Variants in CAPN9 observed in about 807,000 individuals in gnomAD.
The protein encoded by CAPN9 is calpain-9.
A neutral mutation model predicts 92.8 loss-of-function variants in CAPN9; 81 were observed. The ratio of observed to expected loss-of-function variants is 0.87; its 90% CI spans 0.73 to 1.05. CAPN9 has a LOEUF of 1.05. Ranked by LOEUF, CAPN9 falls within the 50% of genes least tolerant of loss-of-function variation. The pLI is 0.00. For missense variants in CAPN9, 848 were observed against 866.2 expected (o/e 0.98, Z 0.26); for synonymous variants, 304 against 328.0 (o/e 0.93, Z 0.79).
intron 19 of CAPN9, 150 bp from the exon 20 acceptor site, chr1:230,801,420 T>A (rs1380239300): frequency 1.3e-6 from 1 of 776,382 alleles, no homozygotes; most frequent in Admixed American, 1.8e-5. Flanking sequence ...TTTAAATGGT[T>A]TCCTGCTGAG....
intron 11 of CAPN9, among the ~76,000 whole-genome samples, chr1:230,782,512 A>G (rs1276853367): frequency 6.6e-6 from 1 of 152,188 alleles, no homozygotes; most frequent in Non-Finnish European, 1.5e-5. Context: ...GCATCATCAA[A>G]AGCTGAAGCC....
chr1:230,781,839 C>T (rs1222239296), intron 11 of CAPN9, among the ~76,000 whole-genome samples: 1 of 152,194 alleles, frequency 6.6e-6, no homozygotes, highest in Non-Finnish European at 1.5e-5. Flanking sequence ...TGAAAAGACT[C>T]TCAATTATGA....
chr1:230,797,285 G>A lies in CAPN9; in HGVS notation c.1988-877G>A, dbSNP rs186542565. On this transcript the variant is annotated intron_variant, in intron 18 of 19. Transcript: ENST00000271971. The stretch of plus-strand genomic sequence containing the variant: ...CATTTTCCCCCTAAATAATTTAATA[G>A]CAGATCTCAGAAACTCTGTCCATTC... Among the ~76,000 whole-genome samples, 34 of 152,292 alleles carry A rather than the reference G, an allele frequency of 2.2e-4. No individual in the cohort carries two copies. In the East Asian group the frequency reaches 6.0e-3, roughly 27 times the overall value.
At chr1:230,749,244 T>C (rs2102819696) in intron 1 of CAPN9, among the ~76,000 whole-genome samples, 1 of 152,336 alleles carries the variant, frequency 6.6e-6, no homozygotes, top group East Asian at 1.9e-4. Context: ...ATATGGCCAA[T>C]TGCAGTGTGA....
intron 1 of CAPN9, among the ~76,000 whole-genome samples, chr1:230,754,639 CAAAA>C (rs58791351): frequency 5.2e-4 from 65 of 124,536 alleles, no homozygotes; most frequent in African/African-American, 9.7e-4. Context: ...CCCATCTCCA[CAAAA>C]AAAAAAAAAA....
At chr1:230,769,147 G>A (rs778382073) in intron 5 of CAPN9, 33 bp from the exon 6 acceptor site, 30 of 1,567,468 alleles carry the variant, frequency 1.9e-5, no homozygotes, top group South Asian at 3.3e-5. Flanking sequence ...TGACTTAGAC[G>A]GTGGGTGTGA....
At chr1:230,770,242 G>T (rs1398779855) in intron 6 of CAPN9, among the ~76,000 whole-genome samples, 2 of 152,178 alleles carry the variant, frequency 1.3e-5, no homozygotes, top group Non-Finnish European at 1.5e-5. Flanking sequence ...TAGCCACCAG[G>T]AACACCAATG....
At chr1:230,784,582 A>G (rs1021963855) in intron 11 of CAPN9, among the ~76,000 whole-genome samples, 5 of 151,816 alleles carry the variant, frequency 3.3e-5, no homozygotes, top group Admixed American at 2.0e-4. Flanking sequence ...AGTGCAAGCC[A>G]TAAGCCTTGA....
chr1:230,791,937 C>T lies in CAPN9; in HGVS notation c.1722+9C>T, dbSNP rs1465520262. 1 of 1,603,320 alleles carries T rather than the reference C, an allele frequency of 6.2e-7. No individual in the cohort carries two copies. The highest frequency in any genetic ancestry group is 8.5e-7 in the Non-Finnish European group (1 of 1,170,284). ...TCATTTCCCTGATGGACGTATCCTT[C>T]CAAATATTTGAGCAGAAATAGACAT... On this transcript the variant is annotated intron_variant, in intron 15 of 19. Coordinates refer to ENST00000271971, the MANE Select transcript of CAPN9 (RefSeq NM_006615.3).
In CAPN9 at chr1:230,774,563, G is replaced by T; in HGVS notation, c.885G>T (p.Glu295Asp). 6.2e-7 allele frequency: 1 copy of T among 1,613,302 alleles called. No homozygotes were observed. The highest frequency in any genetic ancestry group is 8.5e-7 in the Non-Finnish European group (1 of 1,179,332). The change falls in exon 8 of 20, where the codon GAG (glutamate) becomes GAT (aspartate). Residue 295 changes from glutamate to aspartate, a missense_variant. By Grantham distance (45) the Glu-to-Asp change is conservative. Transcript: ENST00000271971. ...WNGSWSDSSP[E>D]WRSVGPAEQK... ...TTTTGTTTACTCCTAGTTCTCCGGAGTGGCGTTCTGTTGGTCCAGCTGAGC... is the reference window on the plus strand; with the variant it reads ...TTTTGTTTACTCCTAGTTCTCCGGATTGGCGTTCTGTTGGTCCAGCTGAGC...
chr1:230,777,886 C>T (rs1666929342), intron 8 of CAPN9, among the ~76,000 whole-genome samples: 1 of 152,110 alleles, frequency 6.6e-6, no homozygotes, highest in Non-Finnish European at 1.5e-5. Context: ...TGTCCCAGGA[C>T]CCCATCCATG....
chr1:230,757,047 A>G (rs1665275596), intron 2 of CAPN9, among the ~76,000 whole-genome samples: 2 of 133,418 alleles, frequency 1.5e-5, no homozygotes, highest in Non-Finnish European at 1.6e-5. Context: ...GAAGGAAGGA[A>G]GGAAGGAAGG....
chr1:230,793,335 C>A (rs1052471274), intron 17 of CAPN9, among the ~76,000 whole-genome samples: 8 of 152,212 alleles, frequency 5.3e-5, no homozygotes, highest in Non-Finnish European at 1.2e-4. Flanking sequence ...ACAGAGCATG[C>A]AGCACCCATG....
chr1:230,795,472 T>C, intron 18 of CAPN9, 193 bp downstream of exon 18: 1 of 533,304 alleles, frequency 1.9e-6, no homozygotes, highest in Non-Finnish European at 3.4e-6. Flanking sequence ...CTGCAGCACG[T>C]TTCTTAGCAT....
intron 13 of CAPN9, 143 bp from the exon 14 acceptor site, chr1:230,789,989 G>A: frequency 1.6e-6 from 1 of 612,878 alleles, no homozygotes; most frequent in South Asian, 2.2e-5. Flanking sequence ...CTACACAGGA[G>A]ATAGGTACAT....
chr1:230,776,344 C>A (rs565300717), intron 8 of CAPN9: 2 of 152,312 alleles, frequency 1.3e-5, no homozygotes, highest in Admixed American at 1.3e-4. Flanking sequence ...ACTACTACTT[C>A]GAGGGTTAGG....
Position 230,766,221 on chromosome 1 carries a change from G to A in CAPN9, c.537-1320G>A, listed in dbSNP as rs369526518. On this transcript the variant is annotated intron_variant, in intron 4 of 19. Transcript: ENST00000271971. Reference sequence around the variant, plus strand: ...AGTGATTCTCCTGCCTCAGCCTCCCGAAATGCTGGGATTACAGGCACCAAC... The same window carrying A: ...AGTGATTCTCCTGCCTCAGCCTCCCAAAATGCTGGGATTACAGGCACCAAC... Among the ~76,000 whole-genome samples, 35 of 152,068 alleles carry A rather than the reference G, an allele frequency of 2.3e-4. No homozygotes were observed. The East Asian group carries it at 3.3e-3, about 14-fold the overall frequency.
Position 230,772,066 on chromosome 1 carries a change from G to A in CAPN9, c.842G>A (p.Gly281Asp). 1 of 1,614,244 alleles carries A rather than the reference G, an allele frequency of 6.2e-7. No homozygotes were observed. Among genetic ancestry groups the A allele is most frequent in the Non-Finnish European group, 8.5e-7 (1 of 1,180,034 alleles). Residue 281 changes from glycine (G) to aspartate (D), a missense_variant, in exon 7 of 20, where the codon GGC (glycine) becomes GAC (aspartate). Coordinates refer to ENST00000271971, the MANE Select transcript of CAPN9 (RefSeq NM_006615.3). ...CTCATCCGAATCCGGAACCCTTGGG[G>A]CCAGGTTGAGTGGAACGGGTCGTGG... ...IELIRIRNPW[G>D]QVEWNGSWSD...
chr1:230,772,215 G>T, intron 7 of CAPN9, 116 bp downstream of exon 7: 1 of 855,354 alleles, frequency 1.2e-6, no homozygotes, highest in Non-Finnish European at 1.9e-6. Context: ...CTCTGACTCA[G>T]GATCCTGTCC....
Sources: allele counts gnomAD v4.1 joint callset (sites outside exome capture counted in the v4.1 genomes callset), GRCh38; gene constraint gnomAD v4.1.1; transcripts MANE v1.5; gene names NCBI Gene and HGNC (gene_info 2026-07-23, HGNC 2026-07-21).